URGCP: variants seen among roughly 807,000 people sequenced by gnomAD.
URGCP encodes the protein upregulator of cell proliferation.
A neutral mutation model predicts 24.6 loss-of-function variants in URGCP; 13 were observed. That is an observed-to-expected ratio of 0.53 (90% confidence interval 0.34 to 0.84). The LOEUF is 0.84. Ranked by LOEUF, URGCP falls within the 40% of genes least tolerant of loss-of-function variation. The pLI is 0.01. For missense variants in URGCP, 899 were observed against 1,194.3 expected (o/e 0.75, Z 3.64); for synonymous variants, 444 against 487.2 (o/e 0.91, Z 1.17).
At chr7:43,891,796 TC>T (rs1195751448) in intron 1 of URGCP, among the ~76,000 whole-genome samples, 1 of 151,948 alleles carries the variant, frequency 6.6e-6, no homozygotes, top group Non-Finnish European at 1.5e-5. Context: ...TGTATTTTTT[TC>T]CCCCCGAGAC....
At chr7:43,885,291 G>C (rs866401015) in intron 3 of URGCP, among the ~76,000 whole-genome samples, 15 of 151,902 alleles carry the variant, frequency 9.9e-5, no homozygotes, top group Non-Finnish European at 7.4e-5. Flanking sequence ...AGTAGAGACG[G>C]GGTTTCATCA....
chr7:43,919,919 G>T (rs114209565), intron 1 of URGCP: 117,434 of 1,314,184 alleles, frequency 0.089, 5,952 homozygotes, highest in Middle Eastern at 0.12. Flanking sequence ...TCCTGGAGCC[G>T]TTCCGCAAGG....
Position 43,881,942 on chromosome 7 carries a change from T to A in URGCP, c.128A>T (p.Glu43Val). 1 of 1,614,110 alleles carries A rather than the reference T, an allele frequency of 6.2e-7. No homozygotes were observed. Residue 43 changes from glutamate (E) to valine (V), a missense_variant, in exon 4 of 6, where the codon GAA becomes GTA. Transcript: ENST00000453200. The part of the protein sequence containing the change: ...AVAIADLEWR[E>V]MEGDDCEFRY... ...GAACTCGCAATCATCTCCTTCCATT[T>A]CTCTCCATTCCAAATCTAGAAGAAA...
intron 3 of URGCP, among the ~76,000 whole-genome samples, chr7:43,884,739 C>T (rs1026023592): frequency 6.6e-6 from 1 of 152,228 alleles, no homozygotes; most frequent in Middle Eastern, 3.4e-3. Flanking sequence ...GAGGCTGAGA[C>T]AGGAGAATCC....
At chr7:43,925,502 A>AT (rs1257040742) in intron 1 of URGCP, among the ~76,000 whole-genome samples, 2 of 151,750 alleles carry the variant, frequency 1.3e-5, no homozygotes, top group East Asian at 1.9e-4. Flanking sequence ...TTTTATTTTT[A>AT]TTTTTTATTA....
chr7:43,878,699 A>G lies in URGCP; in HGVS notation c.764T>C (p.Val255Ala), dbSNP rs371424237. The change falls in exon 6 of 6, where the codon GTG (valine) becomes GCG (alanine). Residue 255 changes from valine to alanine, a missense_variant. Coordinates refer to ENST00000453200, the MANE Select transcript of URGCP (RefSeq NM_001077663.3). This position sits in a 1 kb window ranked among gnomAD's most constrained non-coding sequence, Gnocchi z 5.6. ...RGMGSFREDS[V>A]VLSRAPAFAF... is the part of the protein sequence containing the mutation. The stretch of plus-strand genomic sequence containing the variant: ...GAAGGCGGGCGCCCTGGACAAGACC[A>G]CGCTGTCTTCCCGGAAGCTCCCCAT... 33 of 1,613,914 alleles carry G rather than the reference A, an allele frequency of 2.0e-5. No homozygotes were observed. Among genetic ancestry groups the G allele is most frequent in the Non-Finnish European group, 2.3e-5 (27 of 1,180,032 alleles).
At chr7:43,916,751 C>T in intron 1 of URGCP, among the ~76,000 whole-genome samples, 1 of 113,514 alleles carries the variant, frequency 8.8e-6, no homozygotes, top group South Asian at 3.3e-4. Flanking sequence ...GCCACTTTGA[C>T]ACCCATGGGA....
At chr7:43,924,380 A>G (rs997457226) in intron 1 of URGCP, among the ~76,000 whole-genome samples, 3 of 152,256 alleles carry the variant, frequency 2.0e-5, no homozygotes, top group Admixed American at 6.5e-5. Flanking sequence ...TTTAGAGATT[A>G]ACACATTAGT....
Position 43,878,346 on chromosome 7 carries a change from G to A in URGCP, c.1117C>T (p.Leu373=), listed in dbSNP as rs1401278891. The A allele has an allele frequency of 3.1e-6, 5 of 1,614,108 alleles. No homozygotes were observed. Among genetic ancestry groups the A allele is most frequent in the Non-Finnish European group, 4.2e-6 (5 of 1,180,052 alleles). ...GTGGTTGACTCCTTCATGGAGTACA[G>A]CAATTTGTATTCCTTCTTACTGATA... ...DNISKKEYKL[L]YSMKESTTKY... Residue 373 remains leucine, a synonymous_variant, in exon 6 of 6, where the codon CTG becomes TTG. Transcript: ENST00000453200. The surrounding 1 kb of genome is among the most constrained non-coding windows in gnomAD (Gnocchi z 5.6).
rs778949933 is a variant in URGCP, at chr7:43,878,619, C to T, written c.844G>A (p.Val282Ile). 2.6e-5 allele frequency: 42 copies of T among 1,613,818 alleles called. No homozygotes were observed. The highest frequency in any genetic ancestry group is 1.0e-4 in the Admixed American group (6 of 60,030). Reference sequence around the variant, plus strand: ...CACTGCCTGTGGCCCGGGCTGAGGACGGCGTTGAGAAGCTGGGACTTGGAG... The same window carrying T: ...CACTGCCTGTGGCCCGGGCTGAGGATGGCGTTGAGAAGCTGGGACTTGGAG... ...SNSKSQLLNA[V>I]LSPGHRQWDC... Residue 282 changes from valine (V) to isoleucine (I), a missense_variant, in exon 6 of 6, where the codon GTC (valine) becomes ATC (isoleucine). Physicochemically the swap from Val to Ile is conservative, Grantham distance 29. Coordinates refer to ENST00000453200, the MANE Select transcript of URGCP (RefSeq NM_001077663.3). The surrounding 1 kb of genome is among the most constrained non-coding windows in gnomAD (Gnocchi z 5.6).
In URGCP at chr7:43,906,548, G is replaced by A. The variant is rs918381863; in HGVS notation, c.14+14C>T. Reference sequence around the variant, plus strand: ...GCAGCCGCGGGGGCGCAGGGCCTGCGAGGCGGCACTCACCCGGGCGACGCC... The same window carrying A: ...GCAGCCGCGGGGGCGCAGGGCCTGCAAGGCGGCACTCACCCGGGCGACGCC... On this transcript the variant is annotated intron_variant, in intron 1 of 5. Coordinates refer to ENST00000453200, the MANE Select transcript of URGCP (RefSeq NM_001077663.3). The A allele has an allele frequency of 1.6e-6, 2 of 1,235,186 alleles. No individual in the cohort carries two copies. The highest frequency in any genetic ancestry group is 2.0e-6 in the Non-Finnish European group (2 of 980,676). 76.5% of individuals were successfully genotyped at this position (1,235,186 alleles called of 1,614,324 possible). A position where few individuals can be genotyped will look rare whatever the true frequency, so the allele number is the denominator to read the frequency against.
intron 1 of URGCP, among the ~76,000 whole-genome samples, chr7:43,901,569 G>A (rs1164956236): frequency 1.3e-5 from 2 of 152,230 alleles, no homozygotes; most frequent in East Asian, 1.9e-4. Context: ...AGCAGCTACT[G>A]AGCAAGATAA....
At chr7:43,926,695 C>G (rs2095931755), upstream of URGCP, 8 of 914,606 alleles carry the variant, frequency 8.7e-6, no homozygotes, top group Admixed American at 3.2e-4. Flanking sequence ...GCAGAACAGC[C>G]TCCCGCGCAG....
upstream of URGCP, among the ~76,000 whole-genome samples, chr7:43,907,799 C>T (rs1368469176): frequency 1.3e-5 from 2 of 152,166 alleles, no homozygotes; most frequent in South Asian, 2.1e-4. Flanking sequence ...GTAAACATTG[C>T]GTGATGCATG....
upstream of URGCP, among the ~76,000 whole-genome samples, chr7:43,926,721 C>T (rs1165107569): frequency 6.6e-6 from 1 of 152,046 alleles, no homozygotes; most frequent in Non-Finnish European, 1.5e-5. Context: ...AAAGCGAACG[C>T]AGCCTGAGAA....
chr7:43,887,937 C>T (rs754274338), intron 1 of URGCP, 121 bp from the exon 2 acceptor site: 2 of 635,396 alleles, frequency 3.1e-6, no homozygotes, highest in Non-Finnish European at 5.3e-6. Context: ...AATTCTGCAG[C>T]CATTAAAAAA....
chr7:43,914,650 T>C (rs1237377140), intron 1 of URGCP, among the ~76,000 whole-genome samples: 2 of 152,230 alleles, frequency 1.3e-5, no homozygotes, highest in African/African-American at 4.8e-5. Context: ...CTGGACTGCA[T>C]CCCCAGATGG....
At chr7:43,901,609 A>T (rs570126631) in intron 1 of URGCP, among the ~76,000 whole-genome samples, 1 of 152,300 alleles carries the variant, frequency 6.6e-6, no homozygotes, top group South Asian at 2.1e-4. Context: ...CCAAGAGCAA[A>T]GATACATCTT....
chr7:43,901,491 C>T (rs1335061238), intron 1 of URGCP, among the ~76,000 whole-genome samples: 1 of 152,214 alleles, frequency 6.6e-6, no homozygotes, highest in Admixed American at 6.5e-5. Flanking sequence ...ATCCCACATC[C>T]GTGAGCAGAG....
Sources: gnomAD v4.1 joint callset for allele counts (sites outside exome capture counted in the v4.1 genomes callset) on GRCh38, gnomAD v4.1.1 for gene constraint, Gnocchi (gnomAD v3.1) non-coding constraint, MANE v1.5 for transcripts, NCBI Gene and HGNC (gene_info 2026-07-23, HGNC 2026-07-21) for gene names.